Variants in NKAIN3 observed in about 807,000 individuals in gnomAD.
NKAIN3 encodes the protein sodium/potassium-transporting ATPase subunit beta-1-interacting protein 3.
Under a neutral mutation model 30.2 loss-of-function variants are expected in NKAIN3, and 25 were observed. The ratio of observed to expected loss-of-function variants is 0.83; its 90% CI spans 0.60 to 1.16. NKAIN3 has a LOEUF of 1.16. Ranked by LOEUF, NKAIN3 falls within the 50% of genes most tolerant of loss-of-function variation. NKAIN3 has a pLI of 0.00. For synonymous variants in NKAIN3, 91 were observed against 89.6 expected (o/e 1.02, Z -0.09); for missense variants, 225 against 254.1 (o/e 0.89, Z 0.78).
intron 1 of NKAIN3, among the ~76,000 whole-genome samples, chr8:62,559,032 A>C (rs1484128820): frequency 1.3e-5 from 2 of 152,030 alleles, no homozygotes; most frequent in Admixed American, 1.3e-4. Flanking sequence ...TTTTGGTCAA[A>C]GAACAAACTG....
chr8:62,420,645 A>G lies in NKAIN3; in HGVS notation c.55-158894A>G, dbSNP rs988508312. Among the ~76,000 whole-genome samples, 3 of 152,162 alleles carry G rather than the reference A, an allele frequency of 2.0e-5. No homozygotes were observed. The South Asian group carries it at 6.2e-4, about 32-fold the overall frequency. Reference sequence around the variant, plus strand: ...AGGCTTTGTGACATTGTGTGAAACTACTCAAATAGCCATCTAAATAAAAGG... The same window carrying G: ...AGGCTTTGTGACATTGTGTGAAACTGCTCAAATAGCCATCTAAATAAAAGG... On this transcript the variant is annotated intron_variant, in intron 1 of 6. Transcript: ENST00000623646.
intron 4 of NKAIN3, among the ~76,000 whole-genome samples, chr8:62,752,292 C>G (rs1191769428): frequency 6.6e-5 from 10 of 152,204 alleles, no homozygotes; most frequent in Admixed American, 6.5e-4. Context: ...TATTATTACA[C>G]TGCCCTGTGC....
chr8:62,783,147 A>C lies in NKAIN3; in HGVS notation c.471+36018A>C, dbSNP rs186970086. Among the ~76,000 whole-genome samples, 16 of 152,274 alleles carry C rather than the reference A, an allele frequency of 1.1e-4. 1 individual carries two copies. The East Asian group carries it at 3.1e-3, about 29-fold the overall frequency. ...AAAAATAATTGATAACAGAGTGCTA[A>C]GGACTGAAAGCTTTTGTCCCCCCAA... On this transcript the variant is annotated intron_variant, in intron 4 of 6. Coordinates refer to ENST00000623646, the MANE Select transcript of NKAIN3 (RefSeq NM_001304533.3).
At chr8:62,440,236 A>G (rs1805284187) in intron 1 of NKAIN3, among the ~76,000 whole-genome samples, 1 of 152,106 alleles carries the variant, frequency 6.6e-6, no homozygotes, top group Non-Finnish European at 1.5e-5. Flanking sequence ...TCCAACCCAA[A>G]CTAAAGGTGC....
At chr8:62,250,920 A>G (rs886596882) in intron 1 of NKAIN3, among the ~76,000 whole-genome samples, 6 of 152,100 alleles carry the variant, frequency 3.9e-5, no homozygotes, top group Non-Finnish European at 8.8e-5. Context: ...AAAACATTTG[A>G]TACACTCTTA....
chr8:62,754,362 GCACACA>G (rs35621967), intron 4 of NKAIN3, among the ~76,000 whole-genome samples: 2 of 149,400 alleles, frequency 1.3e-5, no homozygotes, highest in African/African-American at 2.5e-5. Context: ...GTTGATTAGT[GCACACA>G]CACACACACA....
rs547935487 is a variant in NKAIN3 at position 62,540,720 on chromosome 8, A to ATG, written c.55-38805_55-38804dup. On this transcript the variant is annotated intron_variant, in intron 1 of 6. Coordinates refer to ENST00000623646, the MANE Select transcript of NKAIN3 (RefSeq NM_001304533.3). The stretch of plus-strand genomic sequence containing the variant: ...ATCATTTTGAGGGTGTGTGATGTTC[A>ATG]TGTGTGTGTGTGTGTTGTCTTTTTT... 7.1e-3 allele frequency among the ~76,000 whole-genome samples: 1,081 copies of ATG among 151,348 alleles called. 12 individuals carry two copies. The highest frequency in any genetic ancestry group is 0.025 in the African/African-American group (1,019 of 41,282).
intron 1 of NKAIN3, among the ~76,000 whole-genome samples, chr8:62,387,550 G>T (rs1467941262): frequency 6.6e-6 from 1 of 152,132 alleles, no homozygotes; most frequent in Non-Finnish European, 1.5e-5. Context: ...AGATACATAA[G>T]ACATATGAAA....
chr8:62,734,356 T>C (rs549546138), intron 3 of NKAIN3, among the ~76,000 whole-genome samples: 1 of 152,358 alleles, frequency 6.6e-6, no homozygotes, highest in African/African-American at 2.4e-5. Flanking sequence ...AATTGTGCTG[T>C]TTACATATTT....
intron 1 of NKAIN3, among the ~76,000 whole-genome samples, chr8:62,263,147 T>C (rs1233785594): frequency 6.6e-6 from 1 of 152,202 alleles, no homozygotes; most frequent in Non-Finnish European, 1.5e-5. Context: ...AAAAGATAAT[T>C]GTATTTAAAC....
intron 1 of NKAIN3, among the ~76,000 whole-genome samples, chr8:62,494,608 G>A (rs1291139857): frequency 6.6e-6 from 1 of 152,066 alleles, no homozygotes; most frequent in Non-Finnish European, 1.5e-5. Context: ...GCTTTTCCTT[G>A]TACATCTGGT....
intron 1 of NKAIN3, among the ~76,000 whole-genome samples, chr8:62,299,602 C>T (rs1375326782): frequency 6.6e-6 from 1 of 151,784 alleles, no homozygotes; most frequent in African/African-American, 2.4e-5. Context: ...GATTTATATT[C>T]AAACTAGTTT....
downstream of NKAIN3, among the ~76,000 whole-genome samples, chr8:62,989,224 T>G (rs1298432468): frequency 6.6e-6 from 1 of 152,218 alleles, no homozygotes; most frequent in Non-Finnish European, 1.5e-5. Context: ...CCAACATCAC[T>G]TCCACATTTT....
At chr8:62,439,235 T>C (rs1383254264) in intron 1 of NKAIN3, among the ~76,000 whole-genome samples, 1 of 152,184 alleles carries the variant, frequency 6.6e-6, no homozygotes, top group African/African-American at 2.4e-5. Flanking sequence ...GCCTGAGTCC[T>C]CTGGATTAGG....
chr8:62,941,589 CAG>C (rs1342409897), intron 5 of NKAIN3, among the ~76,000 whole-genome samples: 1 of 152,108 alleles, frequency 6.6e-6, no homozygotes. Context: ...ACCAGGGACA[CAG>C]GGATGGTTTA....
intron 3 of NKAIN3, among the ~76,000 whole-genome samples, chr8:62,660,510 G>A (rs575085271): frequency 2.9e-4 from 44 of 151,946 alleles, no homozygotes; most frequent in African/African-American, 1.0e-3. Context: ...TAGTAGAGAC[G>A]AAGACCCAGA....
chr8:62,673,676 T>G (rs1813382301), intron 3 of NKAIN3, among the ~76,000 whole-genome samples: 1 of 152,216 alleles, frequency 6.6e-6, no homozygotes, highest in African/African-American at 2.4e-5. Context: ...TACTACATGC[T>G]TAGGCTATAT....
At chr8:62,851,361 G>A (rs192427351) in intron 4 of NKAIN3, among the ~76,000 whole-genome samples, 1 of 152,250 alleles carries the variant, frequency 6.6e-6, no homozygotes, top group Admixed American at 6.5e-5. Context: ...TTTGGGCTGA[G>A]GCGATGGGGT....
intron 1 of NKAIN3, among the ~76,000 whole-genome samples, chr8:62,551,216 T>C (rs761195463): frequency 3.3e-5 from 5 of 152,060 alleles, no homozygotes; most frequent in Non-Finnish European, 7.4e-5. Flanking sequence ...TTCTCCTAAG[T>C]AGATAAGAGG....
Sources: allele counts gnomAD v4.1 joint callset (sites outside exome capture counted in the v4.1 genomes callset), GRCh38; gene constraint gnomAD v4.1.1; transcripts MANE v1.5; gene names NCBI Gene and HGNC (gene_info 2026-07-23, HGNC 2026-07-21).